Variants in CACNG7 observed in about 807,000 individuals in gnomAD.
CACNG7 encodes the protein voltage-dependent calcium channel gamma-7 subunit.
CACNG7 carries 9 observed loss-of-function variants against 26.3 expected under a neutral mutation model. That is an observed-to-expected ratio of 0.34 (90% CI 0.21 to 0.60). CACNG7 has a LOEUF of 0.60. Ranked by LOEUF, CACNG7 falls within the 20% of genes least tolerant of loss-of-function variation. The probability of loss-of-function intolerance (pLI) is 0.81; values close to 1 mark genes in which losing one functional copy is unlikely to be tolerated. For missense variants in CACNG7, 297 were observed against 380.4 expected, an observed-to-expected ratio of 0.78 and a Z score of 1.82; for synonymous variants, 170 against 157.0, an observed-to-expected ratio of 1.08 and a Z score of -0.62.
chr19:53,930,385 A>T (rs983881426), intron 4 of CACNG7, among the ~76,000 whole-genome samples: 7 of 150,544 alleles, frequency 4.6e-5, no homozygotes, highest in Non-Finnish European at 3.0e-5. Flanking sequence ...ATTTTTTTTT[A>T]AATTTGAGAC....
chr19:53,910,467 G>A (rs945456686), intron 1 of CACNG7, among the ~76,000 whole-genome samples: 16 of 152,188 alleles, frequency 1.1e-4, no homozygotes, highest in Admixed American at 3.3e-4. Context: ...GAGCAGAGTT[G>A]CAAGGTTAGA....
chr19:53,926,301 G>A (rs779832762), intron 4 of CACNG7, among the ~76,000 whole-genome samples: 27 of 152,038 alleles, frequency 1.8e-4, no homozygotes, highest in South Asian at 4.2e-4. Flanking sequence ...AGCACTCTCC[G>A]CATTGCTTGT....
intron 3 of CACNG7, 97 bp downstream of exon 3, chr19:53,914,683 C>A: frequency 3.6e-6 from 4 of 1,107,946 alleles, no homozygotes; most frequent in Non-Finnish European, 5.5e-6. Context: ...GGGTGGGGTC[C>A]AAGGGAAGGA....
At chr19:53,936,893 G>C (rs918313071) in intron 4 of CACNG7, among the ~76,000 whole-genome samples, 2 of 151,960 alleles carry the variant, frequency 1.3e-5, no homozygotes, top group Non-Finnish European at 2.9e-5. Context: ...ATAGGCATGA[G>C]CCACCGTGCC....
intron 4 of CACNG7, among the ~76,000 whole-genome samples, chr19:53,938,314 C>T (rs1162747754): frequency 6.6e-6 from 1 of 151,948 alleles, no homozygotes; most frequent in African/African-American, 2.4e-5. Flanking sequence ...CACCAATGCA[C>T]TCCTGCCTGG....
In CACNG7 at chr19:53,940,559, A is replaced by C. The variant is rs549524441; in HGVS notation, c.425-911A>C. Among the ~76,000 whole-genome samples the C allele has an allele frequency of 6.6e-6, 1 of 152,082 alleles. No homozygotes were observed. The highest frequency in any genetic ancestry group is 6.6e-5 in the Admixed American group (1 of 15,234). On this transcript the variant is annotated intron_variant, in intron 4 of 5. Transcript: ENST00000391767. The surrounding 1 kb of genome is among the most constrained non-coding windows in gnomAD (Gnocchi z 4.1). The stretch of plus-strand genomic sequence containing the variant: ...TGCTACAAACTTTGTGTAGCTCCCT[A>C]GCACCCTTGGCGTCAACACCCAGCT...
chr19:53,942,122 G>A lies in CACNG7; in HGVS notation c.657G>A (p.Pro219=). Residue 219 remains proline (P), a synonymous_variant, in exon 6 of 6, where the codon CCG becomes CCA. Coordinates refer to ENST00000391767, the MANE Select transcript of CACNG7 (RefSeq NM_031896.5). This position sits in a 1 kb window ranked among gnomAD's most constrained non-coding sequence, Gnocchi z 5.9. Reference sequence around the variant, plus strand: ...GTCCACACCCGGCCTTCTACCGCCCGCGTCTCAGCGACTGCTCCGACTACT... The same window carrying A: ...GTCCACACCCGGCCTTCTACCGCCCACGTCTCAGCGACTGCTCCGACTACT... ...MYRPHPAFYR[P]RLSDCSDYSG... 1 of 1,613,994 alleles carries A rather than the reference G, an allele frequency of 6.2e-7. No individual in the cohort carries two copies. Among genetic ancestry groups the A allele is most frequent in the Non-Finnish European group, 8.5e-7 (1 of 1,179,952 alleles).
chr19:53,914,094 T>G (rs1409927629), intron 2 of CACNG7, among the ~76,000 whole-genome samples: 2 of 151,702 alleles, frequency 1.3e-5, no homozygotes, highest in African/African-American at 4.8e-5. Context: ...GCCAACATGG[T>G]GAAACCCCGT....
intron 4 of CACNG7, among the ~76,000 whole-genome samples, chr19:53,921,632 C>CTGGTCATTGGTGGAGTT (rs1568774559): frequency 5.9e-5 from 2 of 33,916 alleles, no homozygotes; most frequent in African/African-American, 9.3e-4. Flanking sequence ...TTGGTGGAGT[C>CTGGTCATTGGTGGAGTT]GTCCCCAGGT....
intron 4 of CACNG7, among the ~76,000 whole-genome samples, chr19:53,937,656 T>A (rs1431244100): frequency 1.4e-5 from 2 of 142,416 alleles, no homozygotes; most frequent in Non-Finnish European, 3.0e-5. Flanking sequence ...AGTGGCACGA[T>A]CTTGACTCAT....
chr19:53,934,590 C>T (rs561689954), intron 4 of CACNG7, among the ~76,000 whole-genome samples: 2 of 151,174 alleles, frequency 1.3e-5, no homozygotes, highest in South Asian at 4.2e-4. Context: ...GCGTGGTCAA[C>T]ATTGAGACCC....
chr19:53,911,401 C>T (rs1425432686), intron 1 of CACNG7, among the ~76,000 whole-genome samples: 4 of 152,050 alleles, frequency 2.6e-5, no homozygotes, highest in Admixed American at 2.0e-4. Context: ...AATCTGTAAT[C>T]GAGATTCTGG....
At chr19:53,928,876 T>C (rs62143257) in intron 4 of CACNG7, among the ~76,000 whole-genome samples, 77,979 of 151,618 alleles carry the variant, frequency 0.51, 21,168 homozygotes, top group African/African-American at 0.67. Flanking sequence ...TTTGGGAGGC[T>C]GAGGTTGGCG....
chr19:53,924,423 A>T (rs1337961477), intron 4 of CACNG7, among the ~76,000 whole-genome samples: 1 of 140,646 alleles, frequency 7.1e-6, no homozygotes, highest in Non-Finnish European at 1.5e-5. Flanking sequence ...GAGTTGCCCC[A>T]GGTCTGGTCA....
At chr19:53,922,669 G>GA (rs1227629385) in intron 4 of CACNG7, among the ~76,000 whole-genome samples, 1 of 69,796 alleles carries the variant, frequency 1.4e-5, no homozygotes, top group East Asian at 3.6e-4. Context: ...GTTGTCCCAG[G>GA]CTGGTCATTG....
intron 4 of CACNG7, among the ~76,000 whole-genome samples, chr19:53,924,580 C>G (rs1319674623): frequency 1.4e-5 from 2 of 148,068 alleles, no homozygotes; most frequent in Admixed American, 6.7e-5. Context: ...GTGGAGTTGC[C>G]CCAGGCTGGT....
chr19:53,915,616 C>T (rs2068892246), intron 4 of CACNG7, 111 bp downstream of exon 4: 1 of 1,236,766 alleles, frequency 8.1e-7, no homozygotes, highest in Non-Finnish European at 1.1e-6. Flanking sequence ...GAGGTGCAGA[C>T]CCTCTCTGAG....
rs769970400 is a variant in CACNG7, at chr19:53,939,212, T to G, written c.425-2258T>G. 1.2e-4 allele frequency among the ~76,000 whole-genome samples: 18 copies of G among 152,164 alleles called. No individual in the cohort carries two copies. Among genetic ancestry groups the G allele is most frequent in the Middle Eastern group, 3.4e-3 (1 of 294 alleles). On this transcript the variant is annotated intron_variant, in intron 4 of 5. Coordinates refer to ENST00000391767, the MANE Select transcript of CACNG7 (RefSeq NM_031896.5). The surrounding 1 kb of genome is among the most constrained non-coding windows in gnomAD (Gnocchi z 4.2). ...GGCAGAGGTTGCGGTGAGCCGAGAT[T>G]GCACCACTACACTCCAGCCTAGGTG...
At chr19:53,915,694 A>G (rs2068892865) in intron 4 of CACNG7, among the ~76,000 whole-genome samples, 189 bp downstream of exon 4, 1 of 152,202 alleles carries the variant, frequency 6.6e-6, no homozygotes, top group South Asian at 2.1e-4. Context: ...AGAGGACCAC[A>G]TTATAGCGAG....
Sources: gnomAD v4.1 joint callset for allele counts (sites outside exome capture counted in the v4.1 genomes callset) on GRCh38, gnomAD v4.1.1 for gene constraint, Gnocchi (gnomAD v3.1) non-coding constraint, MANE v1.5 for transcripts, NCBI Gene and HGNC (gene_info 2026-07-23, HGNC 2026-07-21) for gene names.